The following ARMC2 variants were observed in gnomAD, a reference collection of about 807,000 sequenced individuals.
ARMC2 encodes the protein armadillo repeat containing 2.
Under a neutral mutation model 90.3 loss-of-function variants are expected in ARMC2, and 67 were observed. The observed-to-expected ratio is 0.74, with a 90% CI of 0.61 to 0.91. The LOEUF (loss-of-function observed/expected upper bound fraction) is 0.91. Among genes scored for constraint, ARMC2 ranks in the 40% least tolerant of loss-of-function variants. ARMC2 has a pLI of 0.00. For synonymous variants in ARMC2, 393 were observed against 393.0 expected (o/e 1.00, Z 0.00); for missense variants, 920 against 1,030.9 (o/e 0.89, Z 1.47).
downstream of ARMC2, among the ~76,000 whole-genome samples, chr6:108,977,207 T>C: frequency 6.9e-6 from 1 of 144,248 alleles, no homozygotes; most frequent in South Asian, 2.2e-4. Flanking sequence ...GTTTTTAGCA[T>C]GAAGGCTGTT....
chr6:109,020,623 A>G, the ARMC2 span, among the ~76,000 whole-genome samples: 4 of 150,546 alleles, frequency 2.7e-5, no homozygotes, highest in Non-Finnish European at 6.0e-5. Flanking sequence ...CTCAATACAT[A>G]TCCTTCTCCT....
At chr6:109,033,805 A>T in the ARMC2 span, among the ~76,000 whole-genome samples, 20 of 152,226 alleles carry the variant, frequency 1.3e-4, no homozygotes, top group Non-Finnish European at 2.6e-4. Context: ...ATTTATAATA[A>T]ATTAAGAACA....
At chr6:109,025,908 G>A in the ARMC2 span, among the ~76,000 whole-genome samples, 3 of 150,850 alleles carry the variant, frequency 2.0e-5, no homozygotes, top group Non-Finnish European at 2.9e-5. Context: ...TCTAAGACAC[G>A]ATGGTTAAGG....
At chr6:108,928,399 A>T (rs962742941) in intron 11 of ARMC2, among the ~76,000 whole-genome samples, 166 bp downstream of exon 11, 1 of 152,220 alleles carries the variant, frequency 6.6e-6, no homozygotes, top group Non-Finnish European at 1.5e-5. Flanking sequence ...TGAACAATTC[A>T]AACAAATGAA....
the ARMC2 span, among the ~76,000 whole-genome samples, chr6:109,045,028 A>C: frequency 6.6e-6 from 1 of 152,032 alleles, no homozygotes; most frequent in Non-Finnish European, 1.5e-5. Context: ...CATTTCAAAA[A>C]AAAAAAAGCT....
chr6:109,047,009 T>TC, the ARMC2 span, among the ~76,000 whole-genome samples: 1 of 46,190 alleles, frequency 2.2e-5, no homozygotes, highest in Non-Finnish European at 4.2e-5. Flanking sequence ...GTCAGCCCCC[T>TC]GCCCGGCCAG....
chr6:108,863,487 G>A (rs1489374421), intron 3 of ARMC2, among the ~76,000 whole-genome samples: 4 of 152,180 alleles, frequency 2.6e-5, no homozygotes, highest in Admixed American at 2.6e-4. Context: ...CAAGAGCACT[G>A]AGACCTGGGG....
At chr6:108,983,714 G>C in the ARMC2 span, among the ~76,000 whole-genome samples, 1 of 152,130 alleles carries the variant, frequency 6.6e-6, no homozygotes, top group Non-Finnish European at 1.5e-5. Context: ...GATTGTTTTG[G>C]CTATTCAGGG....
At chr6:108,944,673 T>C (rs1026647852) in intron 12 of ARMC2, among the ~76,000 whole-genome samples, 1 of 152,348 alleles carries the variant, frequency 6.6e-6, no homozygotes, top group African/African-American at 2.4e-5. Context: ...TATCTAAATG[T>C]TGTAGTTTGC....
intron 3 of ARMC2, among the ~76,000 whole-genome samples, chr6:108,867,726 G>A (rs1361635697): frequency 6.6e-5 from 10 of 151,954 alleles, no homozygotes; most frequent in South Asian, 2.1e-4. Flanking sequence ...AGCCAAGATC[G>A]TGCCATTGCA....
chr6:108,968,999 G>T (rs528198670), intron 17 of ARMC2, among the ~76,000 whole-genome samples: 139 of 152,224 alleles, frequency 9.1e-4, no homozygotes, highest in Non-Finnish European at 1.6e-3. Context: ...AGTTCTTAGT[G>T]GTGTGCTGAG....
intron 11 of ARMC2, among the ~76,000 whole-genome samples, chr6:108,930,287 A>G (rs1775428192): frequency 6.6e-6 from 1 of 152,098 alleles, no homozygotes; most frequent in African/African-American, 2.4e-5. Context: ...GAACATTAGG[A>G]CTAGGAGTTT....
At chr6:108,900,777 G>C (rs1441960750) in intron 7 of ARMC2, among the ~76,000 whole-genome samples, 1 of 152,154 alleles carries the variant, frequency 6.6e-6, no homozygotes, top group Non-Finnish European at 1.5e-5. Flanking sequence ...GAGTCACCTA[G>C]ACTCTGTGTG....
chr6:108,895,377 G>T (rs574633712), intron 6 of ARMC2, among the ~76,000 whole-genome samples: 10 of 151,666 alleles, frequency 6.6e-5, no homozygotes, highest in African/African-American at 1.9e-4. Flanking sequence ...CCAACTACTT[G>T]GGAGGCTGAG....
At chr6:109,008,465 C>A in the ARMC2 span, among the ~76,000 whole-genome samples, 1 of 152,290 alleles carries the variant, frequency 6.6e-6, no homozygotes, top group Non-Finnish European at 1.5e-5. Flanking sequence ...TGGTGCTTTA[C>A]AACCTTCATG....
the ARMC2 span, among the ~76,000 whole-genome samples, chr6:109,051,660 G>A: frequency 6.6e-6 from 1 of 152,240 alleles, no homozygotes; most frequent in East Asian, 1.9e-4. Flanking sequence ...TCATTAATGT[G>A]ACATTGTCTT....
intron 10 of ARMC2, among the ~76,000 whole-genome samples, chr6:108,919,127 A>T (rs1774285297): frequency 2.2e-5 from 2 of 89,454 alleles, no homozygotes. Context: ...GATTTGGGGA[A>T]TTTAAGAGAG....
intron 1 of ARMC2, among the ~76,000 whole-genome samples, chr6:108,850,263 T>C (rs926087244): frequency 6.6e-6 from 1 of 152,238 alleles, no homozygotes; most frequent in Non-Finnish European, 1.5e-5. Flanking sequence ...CTCAGGATAG[T>C]GTGATGCAAG....
At chr6:108,850,478 A>G (rs573666196) in intron 1 of ARMC2, among the ~76,000 whole-genome samples, 2 of 152,102 alleles carry the variant, frequency 1.3e-5, no homozygotes, top group South Asian at 4.2e-4. Context: ...CCTCTGCTTC[A>G]CCTTGACTCC....
Sources: gnomAD v4.1 joint callset for allele counts (sites outside exome capture counted in the v4.1 genomes callset) on GRCh38, gnomAD v4.1.1 for gene constraint, MANE v1.5 for transcripts, NCBI Gene and HGNC (gene_info 2026-07-23, HGNC 2026-07-21) for gene names.